Variants in CD247 observed in about 807,000 individuals in gnomAD.
CD247 encodes T-cell surface glycoprotein CD3 zeta chain.
In CD247, 13 loss-of-function variants were observed where a neutral mutation model predicts 30.0. That is an observed-to-expected ratio of 0.43 (90% CI 0.28 to 0.69). The LOEUF (loss-of-function observed/expected upper bound fraction) is 0.69. CD247 is among the 30% of genes least tolerant of loss of function. The probability of loss-of-function intolerance (pLI) is 0.16; values close to 1 mark genes in which losing one functional copy is unlikely to be tolerated. For synonymous variants in CD247, 72 were observed against 80.0 expected, an observed-to-expected ratio of 0.90 and a Z score of 0.53; for missense variants, 193 against 212.6, an observed-to-expected ratio of 0.91 and a Z score of 0.57.
rs867906568 is a variant in CD247 at position 167,509,156 on chromosome 1, C to T, written c.58+9252G>A. Among the ~76,000 whole-genome samples the T allele has an allele frequency of 7.9e-5, 12 of 152,030 alleles. No homozygotes were observed. In the South Asian group the frequency reaches 1.9e-3, roughly 24 times the overall value. Reference sequence around the variant, plus strand: ...CCGAGGCAGGTGGATCACTTGAGGTCGGGAGTTTGAGACCAGCCTGACCAA... The same window carrying T: ...CCGAGGCAGGTGGATCACTTGAGGTTGGGAGTTTGAGACCAGCCTGACCAA... On this transcript the variant is annotated intron_variant, in intron 1 of 7. Transcript: ENST00000362089.
At chr1:167,446,670 C>G (rs1652094748) in intron 1 of CD247, among the ~76,000 whole-genome samples, 1 of 152,140 alleles carries the variant, frequency 6.6e-6, no homozygotes, top group Admixed American at 6.5e-5. Flanking sequence ...GATGGGGATA[C>G]CCACTCTTCA....
chr1:167,506,972 C>T (rs559658753), intron 1 of CD247, among the ~76,000 whole-genome samples: 205 of 146,272 alleles, frequency 1.4e-3, no homozygotes, highest in Non-Finnish European at 2.2e-3. Flanking sequence ...TCTTGGCTCA[C>T]GGCAACCCCT....
At chr1:167,448,142 T>A (rs749949329) in intron 1 of CD247, among the ~76,000 whole-genome samples, 1 of 152,224 alleles carries the variant, frequency 6.6e-6, no homozygotes, top group Non-Finnish European at 1.5e-5. Flanking sequence ...GTAATAGTTA[T>A]AACCACTGGT....
At chr1:167,451,969 T>G (rs557111118) in intron 1 of CD247, among the ~76,000 whole-genome samples, 2 of 152,322 alleles carry the variant, frequency 1.3e-5, no homozygotes, top group African/African-American at 4.8e-5. Flanking sequence ...ATGCCTGTAT[T>G]CCCAGCACTT....
In CD247 at chr1:167,518,519, C is replaced by A; in HGVS notation, c.-54G>T. ...GAGGCAGAGGCTGAGGCAGCGGTGG[C>A]CGGGACGGTTAGGAGAAAAGGAGTC... On this transcript the variant is annotated 5_prime_UTR_variant, in exon 1 of 8. Coordinates refer to ENST00000362089, the MANE Select transcript of CD247 (RefSeq NM_198053.3). 6.6e-7 allele frequency: 1 copy of A among 1,515,492 alleles called. No homozygotes were observed. The highest frequency in any genetic ancestry group is 9.2e-7 in the Non-Finnish European group (1 of 1,092,472). 93.9% of individuals were successfully genotyped at this position (1,515,492 alleles called of 1,614,324 possible). A position where few individuals can be genotyped will look rare whatever the true frequency, so the allele number is the denominator to read the frequency against.
intron 1 of CD247, among the ~76,000 whole-genome samples, chr1:167,469,784 C>T (rs375848628): frequency 2.9e-4 from 44 of 152,310 alleles, no homozygotes; most frequent in African/African-American, 1.1e-3. Context: ...GGGGCACAGC[C>T]TCCTTGGATG....
chr1:167,459,348 CTTTTT>C (rs34706916), intron 1 of CD247, among the ~76,000 whole-genome samples: 2 of 80,422 alleles, frequency 2.5e-5, no homozygotes, highest in Non-Finnish European at 2.3e-5. Context: ...CCTTACAACT[CTTTTT>C]TTTTTTTTTT....
intron 1 of CD247, among the ~76,000 whole-genome samples, chr1:167,485,641 TG>T (rs1396214646): frequency 3.9e-5 from 6 of 152,060 alleles, no homozygotes; most frequent in Non-Finnish European, 7.4e-5. Context: ...TAGGCTCCCG[TG>T]GGGAGGGTAT....
At chr1:167,448,369 G>A (rs1652189010) in intron 1 of CD247, 2 of 985,292 alleles carry the variant, frequency 2.0e-6, no homozygotes, top group African/African-American at 3.5e-5. Flanking sequence ...ATCCTCAGAG[G>A]TGGTGAGAGG....
intron 1 of CD247, among the ~76,000 whole-genome samples, chr1:167,470,504 T>TAAAAAAAAAAAAAAAA (rs55679205): frequency 1.6e-5 from 2 of 122,494 alleles, no homozygotes; most frequent in Non-Finnish European, 3.2e-5. Flanking sequence ...ATGTTAATTG[T>TAAAAAAAAAAAAAAAA]AAAAAAAAAA....
chr1:167,457,419 A>G (rs576644755), intron 1 of CD247: 69 of 152,446 alleles, frequency 4.5e-4, no homozygotes, highest in African/African-American at 1.6e-3. Context: ...TGCAGCCAAA[A>G]TGGAGCTAGA....
Position 167,518,359 on chromosome 1 carries a change from T to C in CD247, c.58+49A>G, listed in dbSNP as rs1453684093. The C allele has an allele frequency of 2.5e-6, 4 of 1,583,240 alleles. No individual in the cohort carries two copies. In the East Asian group the frequency reaches 8.9e-5, roughly 35 times the overall value. Reference sequence around the variant, plus strand: ...CTACCCACACCCACTCCCCTACACATACACAAAGAGTTTCTAGAAGTTCCC... The same window carrying C: ...CTACCCACACCCACTCCCCTACACACACACAAAGAGTTTCTAGAAGTTCCC... On this transcript the variant is annotated intron_variant, in intron 1 of 7. Coordinates refer to ENST00000362089, the MANE Select transcript of CD247 (RefSeq NM_198053.3).
chr1:167,490,651 G>T (rs527877061), intron 1 of CD247, among the ~76,000 whole-genome samples: 1 of 152,130 alleles, frequency 6.6e-6, no homozygotes, highest in African/African-American at 2.4e-5. Flanking sequence ...TATTTTTGAA[G>T]GTCGGGTACA....
intron 1 of CD247, among the ~76,000 whole-genome samples, chr1:167,445,238 T>G (rs984353654): frequency 6.6e-6 from 1 of 152,064 alleles, no homozygotes. Flanking sequence ...ATATGATACT[T>G]CTTATGGGGT....
intron 1 of CD247, among the ~76,000 whole-genome samples, chr1:167,467,568 G>T (rs190993216): frequency 6.6e-6 from 1 of 152,222 alleles, no homozygotes; most frequent in East Asian, 1.9e-4. Flanking sequence ...ACTAGGGCAG[G>T]TTGGTGCAGA....
At chr1:167,509,823 G>C (rs1289043039) in intron 1 of CD247, among the ~76,000 whole-genome samples, 2 of 152,172 alleles carry the variant, frequency 1.3e-5, no homozygotes, top group Non-Finnish European at 2.9e-5. Flanking sequence ...TTCCGCAGGT[G>C]GGGGATGGAG....
intron 1 of CD247, among the ~76,000 whole-genome samples, chr1:167,498,019 G>T (rs989342231): frequency 6.6e-6 from 1 of 152,214 alleles, no homozygotes; most frequent in African/African-American, 2.4e-5. Context: ...CCTGGTTCCT[G>T]CTACAGATCT....
chr1:167,479,664 C>T (rs1055088370), intron 1 of CD247, among the ~76,000 whole-genome samples: 11 of 152,264 alleles, frequency 7.2e-5, no homozygotes, highest in African/African-American at 2.6e-4. Flanking sequence ...ACCTGTGTCC[C>T]CAGTCCACAT....
intron 1 of CD247, among the ~76,000 whole-genome samples, chr1:167,442,852 C>A (rs867803035): frequency 6.6e-6 from 1 of 152,248 alleles, no homozygotes; most frequent in Middle Eastern, 3.4e-3. Context: ...CCATTGATGA[C>A]CCAGCCACTC....
Sources: allele counts gnomAD v4.1 joint callset (sites outside exome capture counted in the v4.1 genomes callset), GRCh38; gene constraint gnomAD v4.1.1; transcripts MANE v1.5; gene names NCBI Gene and HGNC (gene_info 2026-07-23, HGNC 2026-07-21).